Variants in ATRNL1 observed in about 807,000 individuals in gnomAD.
ATRNL1 encodes the protein attractin like 1.
A neutral mutation model predicts 182.7 loss-of-function variants in ATRNL1; 95 were observed. That is an observed-to-expected ratio of 0.52 (90% CI 0.44 to 0.62). The LOEUF is 0.62. ATRNL1 is among the 20% of genes least tolerant of loss of function. The probability of loss-of-function intolerance (pLI) is 0.00; values close to 1 mark genes in which losing one functional copy is unlikely to be tolerated. For synonymous variants in ATRNL1, 576 were observed against 568.3 expected (o/e 1.01, Z -0.19); for missense variants, 1,471 against 1,679.5 (o/e 0.88, Z 2.17).
intron 15 of ATRNL1, among the ~76,000 whole-genome samples, chr10:115,297,581 C>G (rs1339031676): frequency 6.8e-6 from 1 of 147,988 alleles, no homozygotes; most frequent in Non-Finnish European, 1.5e-5. Flanking sequence ...GGAGGTGGAA[C>G]TTGCAGTGAG....
intron 26 of ATRNL1, among the ~76,000 whole-genome samples, chr10:115,592,289 A>G (rs1336011699): frequency 9.2e-5 from 14 of 152,138 alleles, no homozygotes; most frequent in Admixed American, 3.9e-4. Context: ...CCATATAACA[A>G]TCCTGCACGT....
rs116211949 is a variant in ATRNL1, at chr10:115,893,189, G to A, written c.4018+45198G>A. Among the ~76,000 whole-genome samples, 934 of 152,254 alleles carry A rather than the reference G, an allele frequency of 6.1e-3. 10 individuals are homozygous for A. Among genetic ancestry groups the A allele is most frequent in the African/African-American group, 0.022 (896 of 41,528 alleles). On this transcript the variant is annotated intron_variant, in intron 28 of 28. Transcript: ENST00000355044. ...GCAAAAGCTGGATTTCAATATCTTA[G>A]GCATGAGGTTGAGGGAAATGGGGGC...
intron 26 of ATRNL1, among the ~76,000 whole-genome samples, chr10:115,675,242 G>C (rs1487783712): frequency 3.9e-5 from 6 of 152,024 alleles, no homozygotes; most frequent in Non-Finnish European, 7.4e-5. Flanking sequence ...TTAGCCTGTA[G>C]TCCTAGCTAG....
intron 28 of ATRNL1, among the ~76,000 whole-genome samples, chr10:115,853,111 C>G (rs1460844925): frequency 6.6e-6 from 1 of 152,086 alleles, no homozygotes; most frequent in East Asian, 1.9e-4. Flanking sequence ...TCTAACCCCA[C>G]TGCACAGTTT....
chr10:115,692,790 A>G (rs1946434011), intron 26 of ATRNL1, among the ~76,000 whole-genome samples: 1 of 152,086 alleles, frequency 6.6e-6, no homozygotes, highest in African/African-American at 2.4e-5. Flanking sequence ...AACAAGTTGT[A>G]GTTGTAGAAG....
At chr10:115,203,388 C>T (rs1007019886) in intron 8 of ATRNL1, among the ~76,000 whole-genome samples, 1 of 152,048 alleles carries the variant, frequency 6.6e-6, no homozygotes, top group Non-Finnish European at 1.5e-5. Context: ...GTCAGGTTCA[C>T]AGTAAATAAT....
chr10:115,678,232 C>T (rs782057687), intron 26 of ATRNL1, among the ~76,000 whole-genome samples: 3 of 152,058 alleles, frequency 2.0e-5, no homozygotes, highest in Non-Finnish European at 4.4e-5. Context: ...TCAGGCACAT[C>T]AAGCTAAAAC....
intron 27 of ATRNL1, among the ~76,000 whole-genome samples, chr10:115,759,315 A>G (rs1472519837): frequency 1.3e-5 from 2 of 152,158 alleles, no homozygotes; most frequent in Admixed American, 6.5e-5. Flanking sequence ...ATGAGAAAAC[A>G]TAAGCACTAG....
intron 18 of ATRNL1, among the ~76,000 whole-genome samples, chr10:115,321,589 G>A (rs1854586473): frequency 6.6e-6 from 1 of 151,126 alleles, no homozygotes; most frequent in African/African-American, 2.4e-5. Flanking sequence ...GTCTGTTTCA[G>A]GTCTTGGCTA....
rs192807550 is a variant in ATRNL1, at chr10:115,740,227, T to G, written c.3903+12872T>G. ...TTACCTCAAATCTTAATATAGATTT[T>G]TTTTCATCAAAGGTCATAGTTCTTA... On this transcript the variant is annotated intron_variant, in intron 27 of 28. Coordinates refer to ENST00000355044, the MANE Select transcript of ATRNL1 (RefSeq NM_207303.4). 3.5e-3 allele frequency among the ~76,000 whole-genome samples: 539 copies of G among 152,308 alleles called. 3 individuals carry two copies. Among genetic ancestry groups the G allele is most frequent in the Middle Eastern group, 0.014 (4 of 294 alleles).
rs192179533 is a variant in ATRNL1 at position 115,670,529 on chromosome 10, C to G, written c.3796-56719C>G. 3.1e-3 allele frequency among the ~76,000 whole-genome samples: 474 copies of G among 152,180 alleles called. 9 individuals are homozygous for G. The highest frequency in any genetic ancestry group is 1.6e-3 in the Non-Finnish European group (110 of 68,002). ...ATAATAACTTGTGTGAGTAATGTCT[C>G]TAGTCTTAAAGACTCTAACACTATC... is the stretch of plus-strand genomic sequence containing the variant. On this transcript the variant is annotated intron_variant, in intron 26 of 28. Coordinates refer to ENST00000355044, the MANE Select transcript of ATRNL1 (RefSeq NM_207303.4).
chr10:115,803,580 G>C (rs1323869764), intron 27 of ATRNL1, among the ~76,000 whole-genome samples: 5 of 148,696 alleles, frequency 3.4e-5, no homozygotes, highest in African/African-American at 1.2e-4. Context: ...TTTTGTTTTA[G>C]AAGTTTGGGT....
intron 27 of ATRNL1, among the ~76,000 whole-genome samples, chr10:115,781,413 C>T (rs1949262655): frequency 6.6e-6 from 1 of 152,104 alleles, no homozygotes; most frequent in African/African-American, 2.4e-5. Context: ...TGATTTATGG[C>T]AGCGCTCTGT....
At chr10:115,913,599 TTTA>T (rs1451739916) in intron 28 of ATRNL1, among the ~76,000 whole-genome samples, 4 of 152,314 alleles carry the variant, frequency 2.6e-5, no homozygotes, top group South Asian at 2.1e-4. Flanking sequence ...CATGGTAGGT[TTTA>T]TTACTACTAC....
intron 24 of ATRNL1, among the ~76,000 whole-genome samples, chr10:115,480,711 T>C: frequency 6.6e-6 from 1 of 151,234 alleles, no homozygotes. Context: ...AAGGAAGATA[T>C]ATTACATTTA....
intron 28 of ATRNL1, among the ~76,000 whole-genome samples, chr10:115,931,717 C>A (rs990309055): frequency 1.3e-5 from 2 of 152,182 alleles, no homozygotes; most frequent in African/African-American, 4.8e-5. Flanking sequence ...CATCTCTCCC[C>A]GCAAATGACA....
At chr10:115,631,419 A>G (rs1034680789) in intron 26 of ATRNL1, among the ~76,000 whole-genome samples, 1 of 152,116 alleles carries the variant, frequency 6.6e-6, no homozygotes, top group African/African-American at 2.4e-5. Context: ...GATATTACAC[A>G]TGCTAACAAA....
At chr10:115,730,348 T>A (rs1947759216) in intron 27 of ATRNL1, among the ~76,000 whole-genome samples, 1 of 151,720 alleles carries the variant, frequency 6.6e-6, no homozygotes, top group African/African-American at 2.4e-5. Flanking sequence ...AATATGTTTT[T>A]CTCACATGTA....
chr10:115,762,959 G>A (rs1177951266), intron 27 of ATRNL1, among the ~76,000 whole-genome samples: 3 of 151,892 alleles, frequency 2.0e-5, no homozygotes, highest in African/African-American at 7.3e-5. Flanking sequence ...AAAATATAAA[G>A]GTATATTAAA....
Sources: gnomAD v4.1 joint callset for allele counts (sites outside exome capture counted in the v4.1 genomes callset) on GRCh38, gnomAD v4.1.1 for gene constraint, MANE v1.5 for transcripts, NCBI Gene and HGNC (gene_info 2026-07-23, HGNC 2026-07-21) for gene names.